The following LTN1 variants were observed in gnomAD, a reference collection of about 807,000 sequenced individuals.
The protein encoded by LTN1 is E3 ubiquitin-protein ligase listerin.
Under a neutral mutation model 201.2 loss-of-function variants are expected in LTN1, and 88 were observed. The observed-to-expected ratio is 0.44, with a 90% CI of 0.37 to 0.52. The LOEUF (loss-of-function observed/expected upper bound fraction) is 0.52. Among genes scored for constraint, LTN1 ranks in the 20% least tolerant of loss-of-function variants. The pLI is 0.00. For synonymous variants in LTN1, 645 were observed against 713.5 expected, an observed-to-expected ratio of 0.90 and a Z score of 1.53; for missense variants, 1,752 against 2,038.7, an observed-to-expected ratio of 0.86 and a Z score of 2.71.
intron 12 of LTN1, 54 bp downstream of exon 12, chr21:28,960,463 C>T (rs955647335): frequency 7.1e-7 from 1 of 1,411,506 alleles, no homozygotes; most frequent in East Asian, 2.3e-5. Context: ...CAATCCCCCA[C>T]AAAGGAGAAA....
At chr21:28,976,961 T>G (rs1051806229) in intron 6 of LTN1, among the ~76,000 whole-genome samples, 3 of 152,160 alleles carry the variant, frequency 2.0e-5, no homozygotes, top group Admixed American at 6.5e-5. Context: ...AACTATGTCA[T>G]GCAGGCTGGT....
At position 28,981,292 on chromosome 21, in the gene LTN1, G is replaced by C; in HGVS notation, c.637C>G (p.Pro213Ala). 6.5e-7 allele frequency: 1 copy of C among 1,533,596 alleles called. No homozygotes were observed. The allele number at this position is 1,533,596 out of a possible 1,614,324, so 95.0% of individuals were successfully genotyped here. ...PDTLSDPQTVPEEEREAKFYR... is the reference protein window; with the variant it reads ...PDTLSDPQTVAEEEREAKFYR... ...AATTTAGCTTCTCTTTCTTCCTCTG[G>C]AACAGTTCTTGATATAAAACAAAAT... The change falls in exon 6 of 30, where the codon CCA becomes GCA. Residue 213 changes from proline to alanine, a missense_variant. Around this residue, in one of 3 missense-constraint regions of LTN1, gnomAD observed 280 missense variants for 375.7 expected, o/e 0.75. Transcript: ENST00000361371.
intron 11 of LTN1, 174 bp from the exon 12 acceptor site, chr21:28,960,880 C>T (rs566703745): frequency 3.9e-6 from 2 of 511,338 alleles, no homozygotes; most frequent in African/African-American, 2.0e-5. Flanking sequence ...CCCCATTAAG[C>T]CTGTATGATG....
At chr21:28,984,418 TACATA>T (rs1467882427) in intron 4 of LTN1, among the ~76,000 whole-genome samples, 25 of 152,194 alleles carry the variant, frequency 1.6e-4, no homozygotes, top group Admixed American at 1.6e-3. Context: ...TTGTTTAGAT[TACATA>T]AAACATCTAC....
chr21:28,983,605 T>A (rs1601003838), intron 4 of LTN1, among the ~76,000 whole-genome samples: 1 of 152,244 alleles, frequency 6.6e-6, no homozygotes, highest in East Asian at 1.9e-4. Flanking sequence ...AGGGACCAGA[T>A]CATGCAGAGC....
chr21:28,944,053 A>G, intron 22 of LTN1, 149 bp from the exon 23 acceptor site: 4 of 629,838 alleles, frequency 6.4e-6, no homozygotes, highest in Non-Finnish European at 1.1e-5. Flanking sequence ...CATGAACTGA[A>G]TATATATTCC....
chr21:28,982,264 T>G, intron 5 of LTN1, 52 bp downstream of exon 5: 2 of 1,432,702 alleles, frequency 1.4e-6, no homozygotes, highest in Non-Finnish European at 9.8e-7. Flanking sequence ...TCTGATTACT[T>G]ATGAGTGAAA....
At chr21:28,941,081 A>T (rs535034538) in intron 25 of LTN1, 139 bp downstream of exon 25, 1 of 649,470 alleles carries the variant, frequency 1.5e-6, no homozygotes, top group African/African-American at 1.9e-5. Flanking sequence ...TGTCTCAAAT[A>T]AACAAAATAA....
intron 21 of LTN1, among the ~76,000 whole-genome samples, chr21:28,945,315 G>A (rs1228413212): frequency 6.6e-6 from 1 of 152,160 alleles, no homozygotes; most frequent in African/African-American, 2.4e-5. Context: ...AGCAGGCAAA[G>A]CAGAGATTCA....
At chr21:28,975,885 G>A (rs538253748) in intron 6 of LTN1, among the ~76,000 whole-genome samples, 1 of 152,214 alleles carries the variant, frequency 6.6e-6, no homozygotes, top group Admixed American at 6.5e-5. Flanking sequence ...ATGTTCACAC[G>A]AAAACTGTAC....
At position 28,935,092 on chromosome 21, in the gene LTN1, G is replaced by C. The variant is rs1390661166; in HGVS notation, c.4875+17C>G. On this transcript the variant is annotated intron_variant, in intron 27 of 29. Coordinates refer to ENST00000361371, the MANE Select transcript of LTN1 (RefSeq NM_015565.3). ...TATTAAAACAACTTTTCTAGAGAAAGTCAAGACAATACTAACCGTCATGCC... is the reference window on the plus strand; with the variant it reads ...TATTAAAACAACTTTTCTAGAGAAACTCAAGACAATACTAACCGTCATGCC... 5.2e-6 allele frequency: 8 copies of C among 1,532,650 alleles called. No individual in the cohort carries two copies. Among genetic ancestry groups the C allele is most frequent in the African/African-American group, 1.4e-5 (1 of 73,118 alleles). The allele number at this position is 1,532,650 out of a possible 1,614,324, so 94.9% of individuals were successfully genotyped here.
intron 1 of LTN1, among the ~76,000 whole-genome samples, 195 bp from the exon 2 acceptor site, chr21:28,987,129 C>T (rs1017749166): frequency 6.6e-6 from 1 of 152,216 alleles, no homozygotes; most frequent in Non-Finnish European, 1.5e-5. Context: ...AATACTGATC[C>T]TAGAAATTAT....
At chr21:28,978,542 T>C (rs1173675576) in intron 6 of LTN1, among the ~76,000 whole-genome samples, 1 of 152,186 alleles carries the variant, frequency 6.6e-6, no homozygotes, top group Admixed American at 6.5e-5. Flanking sequence ...AGCCTACAAC[T>C]ATAAAGCTAA....
At chr21:28,957,220 A>G (rs2084432899) in intron 15 of LTN1, 112 bp downstream of exon 15, 2 of 1,130,638 alleles carry the variant, frequency 1.8e-6, no homozygotes, top group Non-Finnish European at 2.5e-6. Context: ...ACATCAAAGC[A>G]AAGCAAAATA....
chr21:28,986,747 A>T lies in LTN1; in HGVS notation c.230T>A (p.Val77Asp), dbSNP rs2146318892. ...AAAACTTGCTTTTAATTTTGTGGTG[A>T]CATCTTTCTTTGAAAGTTTCCGCAG... ...MVLRKLSKKD[V>D]TTKLKAMQEF... is the part of the protein sequence containing the mutation. The change falls in exon 2 of 30, where the codon GTC becomes GAC. Residue 77 changes from valine to aspartate, a missense_variant. Val to Asp is a radical substitution (Grantham distance 152). Coordinates refer to ENST00000361371, the MANE Select transcript of LTN1 (RefSeq NM_015565.3). This position sits in a 1 kb window ranked among gnomAD's most constrained non-coding sequence, Gnocchi z 4.1. The T allele has an allele frequency of 6.2e-7, 1 of 1,610,836 alleles. No individual in the cohort carries two copies. The highest frequency in any genetic ancestry group is 1.1e-5 in the South Asian group (1 of 89,628).
chr21:28,931,418 G>T, intron 28 of LTN1, 96 bp from the exon 29 acceptor site: 3 of 699,470 alleles, frequency 4.3e-6, no homozygotes, highest in Non-Finnish European at 7.0e-6. Flanking sequence ...TTACAATTCT[G>T]AAAGAAGAGA....
chr21:28,957,188 T>A (rs2084432551), intron 15 of LTN1, 144 bp downstream of exon 15: 8 of 808,672 alleles, frequency 9.9e-6, no homozygotes, highest in Non-Finnish European at 1.3e-5. Flanking sequence ...AAAGCAAACA[T>A]CCAGTATATG....
rs1030234447 is a variant in LTN1 at position 28,970,417 on chromosome 21, T to A, written c.1175+135A>T. On this transcript the variant is annotated intron_variant, in intron 8 of 29. Transcript: ENST00000361371. Reference sequence around the variant, plus strand: ...AACGTACTCAAGAAAAAAATATCAATTGTAATTCTCTGAAAACTTTAAAAG... The same window carrying A: ...AACGTACTCAAGAAAAAAATATCAAATGTAATTCTCTGAAAACTTTAAAAG... 9 of 661,248 alleles carry A rather than the reference T, an allele frequency of 1.4e-5. No homozygotes were observed. In the Admixed American group the frequency reaches 2.7e-4, roughly 20 times the overall value. 41.0% of individuals were successfully genotyped at this position (661,248 alleles called of 1,614,324 possible).
intron 25 of LTN1, among the ~76,000 whole-genome samples, chr21:28,940,867 C>T (rs1255077118): frequency 6.6e-6 from 1 of 152,096 alleles, no homozygotes; most frequent in African/African-American, 2.4e-5. Context: ...GTGGGTGGAT[C>T]GCTTGAGCTC....
Sources: allele counts gnomAD v4.1 joint callset (sites outside exome capture counted in the v4.1 genomes callset), GRCh38; gene constraint gnomAD v4.1.1; regional missense constraint gnomAD v4.1.1; non-coding constraint Gnocchi (gnomAD v3.1); transcripts MANE v1.5; gene names NCBI Gene and HGNC (gene_info 2026-07-23, HGNC 2026-07-21).